The following MACROD2 variants were observed in gnomAD, a reference collection of about 807,000 sequenced individuals.
MACROD2 encodes mono-ADP ribosylhydrolase 2, also known as ADP-ribose glycohydrolase MACROD2.
MACROD2 carries 36 observed loss-of-function variants against 70.4 expected under a neutral mutation model. The ratio of observed to expected loss-of-function variants is 0.51; its 90% confidence interval spans 0.39 to 0.68. MACROD2 has a LOEUF of 0.68. MACROD2 is among the 30% of genes least tolerant of loss of function. The pLI, the probability that MACROD2 is intolerant of heterozygous loss-of-function variation, is 0.00. For missense variants in MACROD2, 496 were observed against 538.4 expected (o/e 0.92, Z 0.78); for synonymous variants, 172 against 178.8 (o/e 0.96, Z 0.30).
Position 14,619,457 on chromosome 20 carries a change from AGGGGAGGAAGG to A in MACROD2, c.302-65385_302-65375del, listed in dbSNP as rs1568702481. On this transcript the variant is annotated intron_variant, in intron 4 of 17. Coordinates refer to ENST00000684519, the MANE Select transcript of MACROD2 (RefSeq NM_001351661.2). ...AGGGAGGGAGGGAGGAAGGGAAGGG[AGGGGAGGAAGG>A]AAGGAGGAAAGGAAGGAAGGAGGGA... is the stretch of plus-strand genomic sequence containing the variant. 1.7e-3 allele frequency among the ~76,000 whole-genome samples: 72 copies of A among 42,280 alleles called. 1 individual carries two copies. Among genetic ancestry groups the A allele is most frequent in the South Asian group, 3.8e-3 (3 of 788 alleles). 27.7% of individuals were successfully genotyped at this position (42,280 alleles called of 152,430 possible). A position where few individuals can be genotyped will look rare whatever the true frequency, so the allele number is the denominator to read the frequency against.
chr20:15,324,531 A>G (rs896811809), intron 6 of MACROD2, among the ~76,000 whole-genome samples: 1 of 152,214 alleles, frequency 6.6e-6, no homozygotes, highest in Non-Finnish European at 1.5e-5. Flanking sequence ...CTTTGATGGC[A>G]TAGACCCTGC....
intron 5 of MACROD2, among the ~76,000 whole-genome samples, chr20:15,106,638 C>T (rs372610377): frequency 1.6e-4 from 24 of 152,268 alleles, no homozygotes; most frequent in African/African-American, 5.1e-4. Context: ...CGTGGAACAG[C>T]GTGGTATCTG....
chr20:15,708,931 T>G (rs1401565439), intron 8 of MACROD2, among the ~76,000 whole-genome samples: 5 of 152,118 alleles, frequency 3.3e-5, no homozygotes, highest in Non-Finnish European at 7.3e-5. Flanking sequence ...GAGGCTAAGA[T>G]GGGAGGATCT....
At chr20:15,079,268 T>G (rs894010234) in intron 5 of MACROD2, among the ~76,000 whole-genome samples, 4 of 152,196 alleles carry the variant, frequency 2.6e-5, no homozygotes, top group African/African-American at 9.6e-5. Context: ...CATGACTACT[T>G]TCTTAATTCT....
chr20:14,177,301 C>T (rs376786080), intron 3 of MACROD2, among the ~76,000 whole-genome samples: 16 of 125,400 alleles, frequency 1.3e-4, no homozygotes, highest in East Asian at 2.3e-4. Context: ...GAGATATCTT[C>T]TTTTTTTTTT....
chr20:15,397,291 C>G (rs1240316229), intron 6 of MACROD2, among the ~76,000 whole-genome samples: 1 of 151,760 alleles, frequency 6.6e-6, no homozygotes, highest in Non-Finnish European at 1.5e-5. Context: ...TTTCTTTTTT[C>G]TTTTTAATTT....
At chr20:14,967,294 G>A (rs2074646499) in intron 5 of MACROD2, among the ~76,000 whole-genome samples, 1 of 151,392 alleles carries the variant, frequency 6.6e-6, no homozygotes, top group South Asian at 2.1e-4. Context: ...CCTGGATCAA[G>A]CAATTCACCT....
intron 8 of MACROD2, among the ~76,000 whole-genome samples, chr20:15,609,954 ATTCTTC>A (rs1225470163): frequency 1.3e-5 from 2 of 152,214 alleles, no homozygotes; most frequent in Admixed American, 1.3e-4. Flanking sequence ...TAGTCTGTGC[ATTCTTC>A]TACAGATTAT....
At chr20:15,191,927 T>TAGAGAGAGAG (rs371278497) in intron 5 of MACROD2, among the ~76,000 whole-genome samples, 3 of 53,586 alleles carry the variant, frequency 5.6e-5, no homozygotes, top group African/African-American at 1.7e-4. Flanking sequence ...TATATATATA[T>TAGAGAGAGAG]ATATAGAGAG....
At chr20:15,830,044 T>C (rs1318323934) in intron 8 of MACROD2, among the ~76,000 whole-genome samples, 3 of 152,160 alleles carry the variant, frequency 2.0e-5, no homozygotes, top group African/African-American at 7.2e-5. Flanking sequence ...AGGACGGGTT[T>C]GAGGGGATGG....
At chr20:14,222,679 A>C (rs1354075996) in intron 3 of MACROD2, among the ~76,000 whole-genome samples, 2 of 152,196 alleles carry the variant, frequency 1.3e-5, no homozygotes, top group Non-Finnish European at 2.9e-5. Flanking sequence ...CTTTTAAAAA[A>C]AGTAAAATAA....
At chr20:15,032,150 C>T (rs1044242716) in intron 5 of MACROD2, among the ~76,000 whole-genome samples, 16 of 152,142 alleles carry the variant, frequency 1.1e-4, no homozygotes, top group African/African-American at 3.9e-4. Context: ...GAGGAGAGGC[C>T]GGAGGGCGGG....
rs2047017478 is a variant in MACROD2 at position 15,475,995 on chromosome 20, G to A, written c.572-23779G>A. On this transcript the variant is annotated intron_variant, in intron 7 of 17. Transcript: ENST00000684519. ...AAGGAACCATAGGCGAACAAAGAAA[G>A]GGAGGAGATGGGGCCACCCCTATTC... 1.3e-5 allele frequency among the ~76,000 whole-genome samples: 2 copies of A among 152,224 alleles called. 1 individual carries two copies. Among genetic ancestry groups the A allele is most frequent in the South Asian group, 4.1e-4 (2 of 4,832 alleles).
chr20:15,220,719 G>C (rs1226711075), intron 5 of MACROD2, among the ~76,000 whole-genome samples: 2 of 152,286 alleles, frequency 1.3e-5, no homozygotes, highest in East Asian at 3.9e-4. Context: ...TCTTCACAGT[G>C]TAGGAATCTC....
At chr20:14,211,041 A>G (rs1570484) in intron 3 of MACROD2, among the ~76,000 whole-genome samples, 79,567 of 152,036 alleles carry the variant, frequency 0.52, 22,567 homozygotes, top group Non-Finnish European at 0.62. Context: ...ATACTGTGTA[A>G]GGGTGTCAAT....
chr20:15,534,473 G>A (rs1003761426), intron 8 of MACROD2, among the ~76,000 whole-genome samples: 3 of 152,126 alleles, frequency 2.0e-5, no homozygotes, highest in Non-Finnish European at 2.9e-5. Flanking sequence ...CCTGAGAAAA[G>A]CGTTTCTGTA....
intron 5 of MACROD2, among the ~76,000 whole-genome samples, chr20:14,831,737 G>A (rs1473267701): frequency 8.7e-6 from 1 of 114,318 alleles, no homozygotes; most frequent in East Asian, 3.0e-4. Flanking sequence ...CTGAGATCGC[G>A]CCACTGCACT....
chr20:14,285,341 G>GA (rs1412811674), intron 3 of MACROD2, among the ~76,000 whole-genome samples: 3 of 152,064 alleles, frequency 2.0e-5, no homozygotes, highest in Non-Finnish European at 4.4e-5. Flanking sequence ...ACAATATATT[G>GA]AACCATCAGA....
intron 8 of MACROD2, among the ~76,000 whole-genome samples, chr20:15,762,661 C>A (rs1447685685): frequency 1.3e-5 from 2 of 152,164 alleles, no homozygotes; most frequent in Non-Finnish European, 2.9e-5. Flanking sequence ...TCCTCTTGCA[C>A]CCTGTTATGG....
Sources: gnomAD v4.1 joint callset for allele counts (sites outside exome capture counted in the v4.1 genomes callset) on GRCh38, gnomAD v4.1.1 for gene constraint, MANE v1.5 for transcripts, NCBI Gene and HGNC (gene_info 2026-07-23, HGNC 2026-07-21) for gene names.